CYP20A1: variants seen among roughly 807,000 people sequenced by gnomAD.
CYP20A1 encodes cytochrome P450 family 20 subfamily A member 1, also known as cytochrome P450 20A1.
CYP20A1 carries 61 observed loss-of-function variants against 61.4 expected under a neutral mutation model. The observed-to-expected ratio is 0.99, with a 90% confidence interval of 0.81 to 1.23. The LOEUF (loss-of-function observed/expected upper bound fraction) is 1.23, where lower values mean the gene tolerates loss of function less well. Among genes scored for constraint, CYP20A1 ranks in the 50% most tolerant of loss-of-function variants. The pLI is 0.00. For synonymous variants in CYP20A1, 193 were observed against 188.2 expected (o/e 1.03, Z -0.21); for missense variants, 530 against 542.4 (o/e 0.98, Z 0.23).
chr2:203,255,491 C>G (rs4673253), intron 4 of CYP20A1, among the ~76,000 whole-genome samples: 40,662 of 152,010 alleles, frequency 0.27, 5,920 homozygotes, highest in East Asian at 0.53. Context: ...AAGTCAGAGC[C>G]TATACTCACA....
chr2:203,283,616 T>A (rs1197094949), intron 8 of CYP20A1, among the ~76,000 whole-genome samples: 2 of 149,776 alleles, frequency 1.3e-5, no homozygotes, highest in Admixed American at 1.3e-4. Context: ...TGGCGCCATC[T>A]CGGCTCACTG....
intron 8 of CYP20A1, among the ~76,000 whole-genome samples, chr2:203,284,013 A>C (rs1490293904): frequency 1.3e-5 from 2 of 152,220 alleles, no homozygotes; most frequent in African/African-American, 2.4e-5. Context: ...GTAAAATAGC[A>C]ATTCTACAGT....
At chr2:203,287,586 G>A (rs1040107516) in intron 9 of CYP20A1, among the ~76,000 whole-genome samples, 1 of 152,062 alleles carries the variant, frequency 6.6e-6, no homozygotes, top group Non-Finnish European at 1.5e-5. Flanking sequence ...TGTGCCTATG[G>A]TTACAACTAC....
In CYP20A1 at chr2:203,303,551, C is replaced by T. The variant is rs188525036; in HGVS notation, c.*6643C>T. On this transcript the variant is annotated 3_prime_UTR_variant, in exon 13 of 13. Transcript: ENST00000356079. ...TCTCTACTAAAAATACCAAAAGTAG[C>T]GGGCGTGGTGACAGGTGCCTCTAAT... Among the ~76,000 whole-genome samples the T allele has an allele frequency of 2.2e-3, 330 of 151,566 alleles. 5 individuals are homozygous for T. The highest frequency in any genetic ancestry group is 0.02 in the Admixed American group (306 of 15,208).
At chr2:203,270,710 T>C (rs2067525830) in intron 5 of CYP20A1, among the ~76,000 whole-genome samples, 1 of 151,208 alleles carries the variant, frequency 6.6e-6, no homozygotes, top group African/African-American at 2.4e-5. Context: ...TTTAAGGGTC[T>C]TATATAAATA....
At chr2:203,283,788 C>G in intron 8 of CYP20A1, among the ~76,000 whole-genome samples, 1 of 151,954 alleles carries the variant, frequency 6.6e-6, no homozygotes, top group Non-Finnish European at 1.5e-5. Context: ...ACCTTGTGAT[C>G]TGCCCGCCTC....
intron 1 of CYP20A1, among the ~76,000 whole-genome samples, chr2:203,244,531 A>G (rs1482487159): frequency 6.6e-6 from 1 of 151,292 alleles, no homozygotes; most frequent in Non-Finnish European, 1.5e-5. Flanking sequence ...TTCTTGCATC[A>G]TCATAATGAA....
At chr2:203,257,044 T>A (rs757499483) in intron 4 of CYP20A1, among the ~76,000 whole-genome samples, 4 of 152,034 alleles carry the variant, frequency 2.6e-5, no homozygotes, top group Non-Finnish European at 4.4e-5. Flanking sequence ...TTTTTAAAAT[T>A]TTCACATACA....
At chr2:203,274,843 A>G (rs1325864705) in intron 6 of CYP20A1, among the ~76,000 whole-genome samples, 1 of 152,224 alleles carries the variant, frequency 6.6e-6, no homozygotes, top group East Asian at 1.9e-4. Flanking sequence ...TCCCCTTGAT[A>G]AAAAATGTAT....
rs2068831837 is a variant in CYP20A1 at position 203,296,995 on chromosome 2, G to C, written c.*87G>C. On this transcript the variant is annotated 3_prime_UTR_variant, in exon 13 of 13. Coordinates refer to ENST00000356079, the MANE Select transcript of CYP20A1 (RefSeq NM_177538.3). ...CTATGTTGAATCCTTTTATAAACCA[G>C]TATCACTTTGTAATATAAACACCTA... is the stretch of plus-strand genomic sequence containing the variant. 5 of 744,360 alleles carry C rather than the reference G, an allele frequency of 6.7e-6. No individual in the cohort carries two copies. The highest frequency in any genetic ancestry group is 5.5e-5 in the African/African-American group (3 of 54,770). 46.1% of individuals were successfully genotyped at this position (744,360 alleles called of 1,614,324 possible).
At chr2:203,246,230 C>T (rs1405814094) in intron 2 of CYP20A1, among the ~76,000 whole-genome samples, 2 of 152,222 alleles carry the variant, frequency 1.3e-5, no homozygotes, top group Non-Finnish European at 2.9e-5. Flanking sequence ...TTAGATCACT[C>T]ATCTTATTCA....
chr2:203,295,854 C>G (rs1296623363), intron 11 of CYP20A1, among the ~76,000 whole-genome samples: 1 of 151,988 alleles, frequency 6.6e-6, no homozygotes, highest in Non-Finnish European at 1.5e-5. Flanking sequence ...GAGGCTGAGA[C>G]AGGAGAATTG....
At chr2:203,250,823 G>C (rs999308883) in intron 3 of CYP20A1, among the ~76,000 whole-genome samples, 2 of 152,160 alleles carry the variant, frequency 1.3e-5, no homozygotes, top group African/African-American at 2.4e-5. Context: ...CCAGCGCTTT[G>C]GGAGGCCGAG....
intron 4 of CYP20A1, among the ~76,000 whole-genome samples, chr2:203,260,842 T>C (rs1219649414): frequency 6.6e-6 from 1 of 152,204 alleles, no homozygotes; most frequent in Non-Finnish European, 1.5e-5. Context: ...AGATTAATGA[T>C]AATTTATTTC....
chr2:203,268,111 T>C (rs978376178), intron 5 of CYP20A1, among the ~76,000 whole-genome samples: 1 of 151,854 alleles, frequency 6.6e-6, no homozygotes, highest in Non-Finnish European at 1.5e-5. Context: ...TCTATCCATC[T>C]ATCTATCTAT....
chr2:203,248,714 C>T (rs2066551084), intron 3 of CYP20A1, among the ~76,000 whole-genome samples: 1 of 152,044 alleles, frequency 6.6e-6, no homozygotes. Context: ...CAATCCCTGC[C>T]TTATTCTATT....
intron 7 of CYP20A1, 133 bp downstream of exon 7, chr2:203,278,821 C>G: frequency 5.5e-6 from 3 of 546,822 alleles, no homozygotes; most frequent in Non-Finnish European, 6.5e-6. Flanking sequence ...TCAAGGCCAA[C>G]TTGGGCAATA....
chr2:203,300,170 A>G lies in CYP20A1; in HGVS notation c.*3262A>G, dbSNP rs1220442181. ...TGGCATAACTGCCAATAAATGAGGCAGTGTAGAATAACTAATAATGATTGG... is the reference window on the plus strand; with the variant it reads ...TGGCATAACTGCCAATAAATGAGGCGGTGTAGAATAACTAATAATGATTGG... On this transcript the variant is annotated 3_prime_UTR_variant, in exon 13 of 13. Coordinates refer to ENST00000356079, the MANE Select transcript of CYP20A1 (RefSeq NM_177538.3). Among the ~76,000 whole-genome samples the G allele has an allele frequency of 2.0e-5, 3 of 152,244 alleles. No homozygotes were observed. Among genetic ancestry groups the G allele is most frequent in the African/African-American group, 7.2e-5 (3 of 41,466 alleles).
At chr2:203,284,981 C>T (rs1006549170) in intron 8 of CYP20A1, among the ~76,000 whole-genome samples, 2 of 151,754 alleles carry the variant, frequency 1.3e-5, no homozygotes, top group Admixed American at 6.6e-5. Flanking sequence ...CCTGAGCCTA[C>T]GCAATCCCCC....
Sources: allele counts gnomAD v4.1 joint callset (sites outside exome capture counted in the v4.1 genomes callset), GRCh38; gene constraint gnomAD v4.1.1; transcripts MANE v1.5; gene names NCBI Gene and HGNC (gene_info 2026-07-23, HGNC 2026-07-21).